The following TACC2 variants were observed in gnomAD, a reference collection of about 807,000 sequenced individuals.
TACC2 encodes the protein transforming acidic coiled-coil-containing protein 2.
TACC2 carries 137 observed loss-of-function variants against 227.3 expected under a neutral mutation model. The ratio of observed to expected loss-of-function variants is 0.60; its 90% confidence interval spans 0.52 to 0.69. The LOEUF is 0.69. Among genes scored for constraint, TACC2 ranks in the 30% least tolerant of loss-of-function variants. The probability of loss-of-function intolerance (pLI) is 0.00; values close to 1 mark genes in which losing one functional copy is unlikely to be tolerated. For synonymous variants in TACC2, 1,523 were observed against 1,487.5 expected (o/e 1.02, Z -0.55); for missense variants, 3,470 against 3,694.4 (o/e 0.94, Z 1.57).
intron 2 of TACC2, among the ~76,000 whole-genome samples, chr10:122,031,424 A>C (rs1324538192): frequency 3.5e-5 from 2 of 57,584 alleles, no homozygotes; most frequent in Non-Finnish European, 6.0e-5. Flanking sequence ...TTTTTTTTTG[A>C]GATGGAGTCT....
intron 5 of TACC2, 81 bp from the exon 6 acceptor site, chr10:122,132,528 A>G (rs1186506559): frequency 1.3e-6 from 2 of 1,559,554 alleles, no homozygotes; most frequent in Non-Finnish European, 1.8e-6. Context: ...CAGCCTGGAT[A>G]AGAAAAGCGA....
chr10:122,103,631 G>A (rs780430287), intron 5 of TACC2, among the ~76,000 whole-genome samples: 38 of 152,342 alleles, frequency 2.5e-4, no homozygotes, highest in South Asian at 1.7e-3. Context: ...AGATGATGGG[G>A]TCATCTTCTA....
chr10:122,059,171 C>T (rs910477333), intron 3 of TACC2, among the ~76,000 whole-genome samples: 2 of 151,770 alleles, frequency 1.3e-5, no homozygotes, highest in African/African-American at 2.4e-5. Flanking sequence ...CCGCCTCAGC[C>T]TCCCAAAGTG....
intron 15 of TACC2, 53 bp downstream of exon 15, chr10:122,229,539 A>T (rs2095693678): frequency 1.2e-6 from 2 of 1,604,052 alleles, no homozygotes; most frequent in East Asian, 2.2e-5. Context: ...TCAGTAGAGA[A>T]TGAACCCCCG....
intron 8 of TACC2, among the ~76,000 whole-genome samples, chr10:122,208,293 C>G (rs1179665740): frequency 6.6e-6 from 1 of 152,116 alleles, no homozygotes; most frequent in Non-Finnish European, 1.5e-5. Flanking sequence ...GAAAGTGTGA[C>G]CAGTCAAGGG....
chr10:122,034,240 T>C (rs1164619087), intron 2 of TACC2, among the ~76,000 whole-genome samples: 1 of 151,270 alleles, frequency 6.6e-6, no homozygotes, highest in South Asian at 2.1e-4. Flanking sequence ...TTTCTCTGCA[T>C]ATCCCAGCAA....
chr10:122,059,232 A>G (rs1266550215), intron 3 of TACC2, among the ~76,000 whole-genome samples: 1 of 151,974 alleles, frequency 6.6e-6, no homozygotes, highest in Non-Finnish European at 1.5e-5. Flanking sequence ...TGTGTTTTTA[A>G]TAAGCACCCC....
At chr10:122,075,141 C>T (rs564863200) in intron 3 of TACC2, among the ~76,000 whole-genome samples, 6 of 151,458 alleles carry the variant, frequency 4.0e-5, no homozygotes, top group South Asian at 2.1e-4. Context: ...TCCCTTTCCA[C>T]GCTGTGGAAG....
Position 122,211,287 on chromosome 10 carries a change from A to G in TACC2, c.6862A>G (p.Lys2288Glu). Residue 2288 changes from lysine to glutamate, a missense_variant, in exon 9 of 23, where the codon AAG (lysine) becomes GAG (glutamate). Transcript: ENST00000369005. ...NQQENPPPTK[K>E]IGKKPVAKMP... ...GCAGGAAAACCCCCCTCCTACCAAA[A>G]AGATAGGCAAAAAGCCAGTTGCCAA... The G allele has an allele frequency of 6.2e-7, 1 of 1,614,074 alleles. No individual in the cohort carries two copies. The highest frequency in any genetic ancestry group is 8.5e-7 in the Non-Finnish European group (1 of 1,180,014).
chr10:122,059,090 G>A (rs1175463245), intron 3 of TACC2, among the ~76,000 whole-genome samples: 1 of 111,392 alleles, frequency 9.0e-6, no homozygotes, highest in African/African-American at 2.9e-5. Context: ...TGTTGTTGTT[G>A]TATTTTTAGT....
Position 122,085,003 on chromosome 10 carries a change from G to A in TACC2, c.2503G>A (p.Ala835Thr). The change falls in exon 4 of 23, where the codon GCA becomes ACA. Residue 835 changes from alanine (A) to threonine (T), a missense_variant. Physicochemically the swap from Ala to Thr is moderately conservative, Grantham distance 58. This residue lies in a region of TACC2 where 1,924 missense variants were observed against 1,978.3 expected (regional missense o/e 0.97). Transcript: ENST00000369005. ...TGAGAAGCATCTCCAGCCATCCCAG[G>A]CACAACCAGAGACATCCATCTTTGA... The part of the protein sequence containing the change: ...SSEKHLQPSQ[A>T]QPETSIFDVL... The A allele has an allele frequency of 1.2e-6, 2 of 1,614,150 alleles. No homozygotes were observed. Among genetic ancestry groups the A allele is most frequent in the South Asian group, 2.2e-5 (2 of 91,078 alleles).
chr10:122,215,594 T>A, intron 10 of TACC2, 143 bp downstream of exon 10: 1 of 725,340 alleles, frequency 1.4e-6, no homozygotes, highest in Non-Finnish European at 2.5e-6. Context: ...GGTCCCTCGA[T>A]GTTTGCTTCA....
chr10:122,001,748 C>T (rs1438788778), intron 1 of TACC2, among the ~76,000 whole-genome samples: 1 of 152,174 alleles, frequency 6.6e-6, no homozygotes, highest in African/African-American at 2.4e-5. Context: ...ATATGTCTCT[C>T]AAGGCACTTT....
At position 122,138,372 on chromosome 10, in the gene TACC2, T is replaced by A. The variant is rs866287986; in HGVS notation, c.5700-5200T>A. 3.9e-5 allele frequency among the ~76,000 whole-genome samples: 6 copies of A among 152,076 alleles called. No homozygotes were observed. The South Asian group carries it at 1.0e-3, about 26-fold the overall frequency. On this transcript the variant is annotated intron_variant, in intron 6 of 22. Transcript: ENST00000369005. ...AATATGTAAAAAAATTAGCTGGGCGTGGTGGCAGGCATCTGTAATCCCAGC... is the reference window on the plus strand; with the variant it reads ...AATATGTAAAAAAATTAGCTGGGCGAGGTGGCAGGCATCTGTAATCCCAGC...
At chr10:122,021,183 C>T (rs1180995824) in intron 1 of TACC2, among the ~76,000 whole-genome samples, 4 of 148,844 alleles carry the variant, frequency 2.7e-5, no homozygotes, top group East Asian at 2.0e-4. Context: ...GAGTCGAGAT[C>T]GTGCCACTGC....
rs1314110259 is a variant in TACC2 at position 122,202,971 on chromosome 10, T to TG, written c.5972-7421dup. Among the ~76,000 whole-genome samples the TG allele has an allele frequency of 2.6e-5, 4 of 151,364 alleles. No individual in the cohort carries two copies. The East Asian group carries it at 7.8e-4, about 29-fold the overall frequency. On this transcript the variant is annotated intron_variant, in intron 8 of 22. Transcript: ENST00000369005. ...GCACATGTTTCAGAGAGCACAGGGT[T>TG]GGGGGTAAGGTCACAGATCAACAGG...
At chr10:121,998,777 A>G (rs2135010376) in intron 1 of TACC2, among the ~76,000 whole-genome samples, 1 of 152,290 alleles carries the variant, frequency 6.6e-6, no homozygotes, top group South Asian at 2.1e-4. Context: ...CAAGCCGCTT[A>G]CATCGGTATA....
intron 11 of TACC2, among the ~76,000 whole-genome samples, chr10:122,217,583 C>T (rs1304088279): frequency 4.0e-5 from 6 of 149,870 alleles, no homozygotes; most frequent in African/African-American, 7.4e-5. Flanking sequence ...AGATTACAGG[C>T]GCGTGCCACC....
intron 3 of TACC2, among the ~76,000 whole-genome samples, chr10:122,066,558 C>T (rs1038953769): frequency 4.6e-5 from 7 of 152,030 alleles, no homozygotes; most frequent in Admixed American, 2.0e-4. Flanking sequence ...TGAGCCACCG[C>T]GCCCAGCTTA....
Sources: allele counts gnomAD v4.1 joint callset (sites outside exome capture counted in the v4.1 genomes callset), GRCh38; gene constraint gnomAD v4.1.1; regional missense constraint gnomAD v4.1.1; transcripts MANE v1.5; gene names NCBI Gene and HGNC (gene_info 2026-07-23, HGNC 2026-07-21).